The following IGF1R variants were observed in gnomAD, a reference collection of about 807,000 sequenced individuals.
IGF1R encodes insulin-like growth factor 1 receptor.
Under a neutral mutation model 144.6 loss-of-function variants are expected in IGF1R, and 44 were observed. That is an observed-to-expected ratio of 0.30 (90% CI 0.24 to 0.39). The LOEUF (loss-of-function observed/expected upper bound fraction) is 0.39, where lower values mean the gene tolerates loss of function less well. Among genes scored for constraint, IGF1R ranks in the 10% least tolerant of loss-of-function variants. The pLI, the probability that IGF1R is intolerant of heterozygous loss-of-function variation, is 1.00. For synonymous variants in IGF1R, 795 were observed against 722.8 expected, an observed-to-expected ratio of 1.10 and a Z score of -1.60; for missense variants, 1,355 against 1,833.7, an observed-to-expected ratio of 0.74 and a Z score of 4.77.
At chr15:98,780,769 AT>A (rs2055843807) in intron 2 of IGF1R, among the ~76,000 whole-genome samples, 1 of 152,160 alleles carries the variant, frequency 6.6e-6, no homozygotes, top group African/African-American at 2.4e-5. Flanking sequence ...AGATAAGTGA[AT>A]TGCTTAATGT....
intron 2 of IGF1R, among the ~76,000 whole-genome samples, chr15:98,784,067 C>T (rs1230046679): frequency 1.4e-5 from 2 of 143,348 alleles, no homozygotes; most frequent in East Asian, 2.1e-4. Flanking sequence ...CTCTGGCTTC[C>T]GGGTTCAAGC....
At position 98,803,415 on chromosome 15, in the gene IGF1R, G is replaced by A. The variant is rs1420261460; in HGVS notation, c.641-87910G>A. Among the ~76,000 whole-genome samples, 4 of 152,122 alleles carry A rather than the reference G, an allele frequency of 2.6e-5. No individual in the cohort carries two copies. In the East Asian group the frequency reaches 7.7e-4, roughly 29 times the overall value. On this transcript the variant is annotated intron_variant, in intron 2 of 20. Coordinates refer to ENST00000650285, the MANE Select transcript of IGF1R (RefSeq NM_000875.5). ...GCTTGCAGGACCAGAAGTTGCTCTGGGTGAGTCAGTGAGTCAGTGGTGAGT... is the reference window on the plus strand; with the variant it reads ...GCTTGCAGGACCAGAAGTTGCTCTGAGTGAGTCAGTGAGTCAGTGGTGAGT...
chr15:98,670,921 C>T (rs183008325), intron 1 of IGF1R, among the ~76,000 whole-genome samples: 3 of 152,266 alleles, frequency 2.0e-5, no homozygotes, highest in Admixed American at 2.0e-4. Flanking sequence ...GGAAATATTT[C>T]ACAAGCTCCA....
chr15:98,961,728 C>G lies in IGF1R; in HGVS notation c.*4286C>G, dbSNP rs899016104. ...CAGGAGCTGGTGTGTACTGGAGACA[C>G]TGTTGAACTTGATCAAGACCCAGAC... is the stretch of plus-strand genomic sequence containing the variant. On this transcript the variant is annotated 3_prime_UTR_variant, in exon 21 of 21. Coordinates refer to ENST00000650285, the MANE Select transcript of IGF1R (RefSeq NM_000875.5). 2 of 233,518 alleles carry G rather than the reference C, an allele frequency of 8.6e-6. No individual in the cohort carries two copies. Among genetic ancestry groups the G allele is most frequent in the African/African-American group, 4.4e-5 (2 of 45,350 alleles). The allele number at this position is 233,518 out of a possible 1,614,324, so 14.5% of individuals were successfully genotyped here.
intron 5 of IGF1R, among the ~76,000 whole-genome samples, chr15:98,904,447 T>C (rs765190620): frequency 2.0e-5 from 3 of 152,196 alleles, no homozygotes; most frequent in Non-Finnish European, 4.4e-5. Context: ...TGAATATCTG[T>C]ATGGTGCCTG....
chr15:98,888,800 A>G (rs1450676698), intron 2 of IGF1R, among the ~76,000 whole-genome samples: 2 of 152,192 alleles, frequency 1.3e-5, no homozygotes, highest in Non-Finnish European at 2.9e-5. Flanking sequence ...AACAAGATAA[A>G]AGTGTATGTC....
chr15:98,741,787 T>C (rs1191729146), intron 2 of IGF1R, among the ~76,000 whole-genome samples: 1 of 152,252 alleles, frequency 6.6e-6, no homozygotes, highest in Non-Finnish European at 1.5e-5. Flanking sequence ...TGTAAAACTT[T>C]TAATAAATTT....
At chr15:98,841,062 C>CTA (rs2011165938) in intron 2 of IGF1R, among the ~76,000 whole-genome samples, 1 of 152,092 alleles carries the variant, frequency 6.6e-6, no homozygotes, top group African/African-American at 2.4e-5. Flanking sequence ...CATCTGGTCT[C>CTA]TAAGTTTTTT....
intron 2 of IGF1R, among the ~76,000 whole-genome samples, chr15:98,876,830 A>G (rs548658609): frequency 2.6e-5 from 4 of 152,136 alleles, no homozygotes; most frequent in African/African-American, 7.2e-5. Flanking sequence ...TATCTGGGAT[A>G]CTCTGTTCTG....
At position 98,957,858 on chromosome 15, in the gene IGF1R, CCT is replaced by C. The variant is rs45484096; in HGVS notation, c.*417_*418del. On this transcript the variant is annotated 3_prime_UTR_variant, in exon 21 of 21. Transcript: ENST00000650285. ...TTATCAGTTTGAGGAAGTGGCTGTC[CCT>C]GTGGCCCCATCCAACCACTGTACAC... 79,250 of 286,196 alleles carry C rather than the reference CCT, an allele frequency of 0.28. 12,011 individuals carry two copies. Among genetic ancestry groups the C allele is most frequent in the African/African-American group, 0.33 (15,325 of 46,562 alleles). The allele number at this position is 286,196 out of a possible 1,614,324, so 17.7% of individuals were successfully genotyped here.
chr15:98,940,492 C>G (rs946237523), intron 18 of IGF1R, among the ~76,000 whole-genome samples: 1 of 152,222 alleles, frequency 6.6e-6, no homozygotes, highest in Non-Finnish European at 1.5e-5. Flanking sequence ...CAACCTCCAC[C>G]TCCCAGGTTC....
chr15:98,757,121 G>A (rs1183118504), intron 2 of IGF1R, among the ~76,000 whole-genome samples: 1 of 152,038 alleles, frequency 6.6e-6, no homozygotes, highest in Admixed American at 6.5e-5. Flanking sequence ...CCAAATTCAT[G>A]TATGTTTTCA....
intron 1 of IGF1R, among the ~76,000 whole-genome samples, chr15:98,692,302 C>G (rs2053495996): frequency 6.6e-6 from 1 of 152,158 alleles, no homozygotes; most frequent in African/African-American, 2.4e-5. Context: ...CGTGCCACTG[C>G]CCTCTAGCCT....
At chr15:98,834,142 T>C (rs1185260910) in intron 2 of IGF1R, among the ~76,000 whole-genome samples, 1 of 152,230 alleles carries the variant, frequency 6.6e-6, no homozygotes, top group African/African-American at 2.4e-5. Context: ...ACAGCTGATG[T>C]TGAAGTTACA....
chr15:98,783,929 G>C (rs1338861040), intron 2 of IGF1R, among the ~76,000 whole-genome samples: 1 of 133,546 alleles, frequency 7.5e-6, no homozygotes, highest in African/African-American at 2.8e-5. Context: ...GTTTTTGATT[G>C]GTCTATTGCA....
At chr15:98,678,863 A>G (rs552004747) in intron 1 of IGF1R, among the ~76,000 whole-genome samples, 1 of 150,912 alleles carries the variant, frequency 6.6e-6, no homozygotes, top group South Asian at 2.1e-4. Flanking sequence ...ACAGCTTTAA[A>G]AAAGGTCTTC....
rs576099593 is a variant in IGF1R, at chr15:98,853,821, G to A, written c.641-37504G>A. ...CACTTGGGGAGAAGTGCGGGGAGTG[G>A]AGGAGGAGGGGAAGGTGCATTGCAA... On this transcript the variant is annotated intron_variant, in intron 2 of 20. Transcript: ENST00000650285. Among the ~76,000 whole-genome samples the A allele has an allele frequency of 2.3e-3, 343 of 152,342 alleles. 2 individuals are homozygous for A. Among genetic ancestry groups the A allele is most frequent in the Non-Finnish European group, 4.3e-3 (291 of 68,032 alleles).
chr15:98,725,850 G>T (rs533716214), intron 2 of IGF1R, among the ~76,000 whole-genome samples: 1 of 152,190 alleles, frequency 6.6e-6, no homozygotes, highest in African/African-American at 2.4e-5. Context: ...TGTGGAAGAA[G>T]CAAAAGTGGA....
chr15:98,916,668 G>A lies in IGF1R; in HGVS notation c.1997-4G>A, dbSNP rs756109977. 1.2e-6 allele frequency: 2 copies of A among 1,613,872 alleles called. No individual in the cohort carries two copies. Among genetic ancestry groups the A allele is most frequent in the African/African-American group, 1.3e-5 (1 of 75,002 alleles). ...TCTTGTTTTGGCTTTTCTTTTCCGA[G>A]AAGACAAAATCCCCATCAGGAAGTA... On this transcript the variant is annotated splice_region_variant and splice_polypyrimidine_tract_variant and intron_variant, in intron 9 of 20. Transcript: ENST00000650285.
Sources: gnomAD v4.1 joint callset for allele counts (sites outside exome capture counted in the v4.1 genomes callset) on GRCh38, gnomAD v4.1.1 for gene constraint, MANE v1.5 for transcripts, NCBI Gene and HGNC (gene_info 2026-07-23, HGNC 2026-07-21) for gene names.